Variants in DNASE1L3 observed in about 807,000 individuals in gnomAD.
DNASE1L3 encodes deoxyribonuclease 1L3.
In DNASE1L3, 27 loss-of-function variants were observed where a neutral mutation model predicts 30.9. The observed-to-expected ratio is 0.87, with a 90% CI of 0.64 to 1.20. DNASE1L3 has a LOEUF of 1.20. Among genes scored for constraint, DNASE1L3 ranks in the 50% most tolerant of loss-of-function variants. The pLI is 0.00. For synonymous variants in DNASE1L3, 135 were observed against 138.0 expected (o/e 0.98, Z 0.15); for missense variants, 364 against 378.2 (o/e 0.96, Z 0.31).
intron 2 of DNASE1L3, chr3:58,207,956 T>G (rs910643967): frequency 4.6e-5 from 18 of 395,498 alleles, no homozygotes; most frequent in Non-Finnish European, 8.1e-5. Flanking sequence ...ACTGTACTTT[T>G]TAGCTCAGCC....
rs1431676592 is a variant in DNASE1L3 at position 58,210,887 on chromosome 3, G to A, written c.20C>T (p.Pro7Leu). The A allele has an allele frequency of 6.2e-7, 1 of 1,613,988 alleles. No individual in the cohort carries two copies. The highest frequency in any genetic ancestry group is 2.2e-5 in the East Asian group (1 of 44,874). ...GATGGAGAGGAGGAGAAGCAGCAGT[G>A]GGGCCAGCTCCCGTGACATCCTGGC... MSRELAPLLLLLLSIHS... is the reference protein window; with the variant it reads MSRELALLLLLLLSIHS... The change falls in exon 1 of 8, where the codon CCA (proline) becomes CTA (leucine). Residue 7 changes from proline (P) to leucine (L), a missense_variant. Pro to Leu is a moderately conservative substitution (Grantham distance 98, BLOSUM62 -3). Transcript: ENST00000394549.
chr3:58,197,789 G>A lies in DNASE1L3; in HGVS notation c.704+32C>T, dbSNP rs750842839. 1.4e-5 allele frequency: 22 copies of A among 1,612,708 alleles called. No individual in the cohort carries two copies. Among genetic ancestry groups the A allele is most frequent in the Non-Finnish European group, 1.7e-5 (20 of 1,179,882 alleles). On this transcript the variant is annotated intron_variant, in intron 6 of 7. Coordinates refer to ENST00000394549, the MANE Select transcript of DNASE1L3 (RefSeq NM_004944.4). The surrounding 1 kb of genome is among the most constrained non-coding windows in gnomAD (Gnocchi z 5.3). ...TTCCTAGTGCACACCAAGCACTGTGGTGAGCCAGCAGCACCCTGCAGGGCC... is the reference window on the plus strand; with the variant it reads ...TTCCTAGTGCACACCAAGCACTGTGATGAGCCAGCAGCACCCTGCAGGGCC...
rs1344427428 is a variant in DNASE1L3 at position 58,210,767 on chromosome 3, T to G, written c.140A>C (p.Lys47Thr). The G allele has an allele frequency of 1.2e-6, 2 of 1,614,026 alleles. No individual in the cohort carries two copies. Among genetic ancestry groups the G allele is most frequent in the Admixed American group, 3.3e-5 (2 of 59,998 alleles). Reference protein sequence around the residue: ...EDKNAMDVIVKVIKRCDIILV... With the variant: ...EDKNAMDVIVTVIKRCDIILV... ...CCTCCTCCCAGGAAAGGGGCTCACC[T>G]TCACAATGACATCCATGGCATTCTT... Residue 47 changes from lysine (K) to threonine (T), a missense_variant and splice_region_variant, in exon 1 of 8, where the codon AAG becomes ACG. Lys to Thr is a moderately conservative substitution (Grantham distance 78). Transcript: ENST00000394549.
chr3:58,198,365 A>G (rs1209956284), intron 5 of DNASE1L3, among the ~76,000 whole-genome samples: 1 of 152,236 alleles, frequency 6.6e-6, no homozygotes, highest in Non-Finnish European at 1.5e-5. Flanking sequence ...GGCCCCCAAA[A>G]GACACCAGCC....
At chr3:58,201,524 G>A (rs1281832921) in intron 4 of DNASE1L3, among the ~76,000 whole-genome samples, 2 of 152,194 alleles carry the variant, frequency 1.3e-5, no homozygotes, top group East Asian at 1.9e-4. Context: ...TGTTAGACAT[G>A]CTCACAGGCA....
At position 58,193,341 on chromosome 3, in the gene DNASE1L3, A is replaced by C; in HGVS notation, c.801+2T>G. 6.2e-7 allele frequency: 1 copy of C among 1,613,956 alleles called. No homozygotes were observed. Among genetic ancestry groups the C allele is most frequent in the Non-Finnish European group, 8.5e-7 (1 of 1,179,920 alleles). On this transcript the variant is annotated splice_donor_variant, in intron 7 of 7. Transcript: ENST00000394549. LOFTEE classifies it high-confidence loss of function. ...CATAGAAAGACAAGATGGCAACCTT[A>C]CCTCCTCTTCAGTCAGCTTGTAAGC...
In DNASE1L3 at chr3:58,204,769, C is replaced by A. The variant is rs776563700; in HGVS notation, c.433G>T (p.Ala145Ser). Residue 145 changes from alanine (A) to serine (S), a missense_variant and splice_region_variant, in exon 4 of 8, where the codon GCT becomes TCT. Ala to Ser is a moderately conservative substitution (Grantham distance 99). Transcript: ENST00000394549. The stretch of plus-strand genomic sequence containing the variant: ...ACAGAAAGGCCTGTGTGGGTCTTAC[C>A]AGTGTGGGGAGATTGGAACCAGACC... The part of the protein sequence containing the change: ...FVVWFQSPHT[A>S]VKDFVIIPLH... 1.2e-6 allele frequency: 2 copies of A among 1,613,770 alleles called. No homozygotes were observed. Among genetic ancestry groups the A allele is most frequent in the African/African-American group, 2.7e-5 (2 of 74,898 alleles).
At chr3:58,193,072 CA>C in intron 7 of DNASE1L3, 2 of 1,410,456 alleles carry the variant, frequency 1.4e-6, no homozygotes, top group South Asian at 3.3e-5. Context: ...GGCATCAACC[CA>C]TCTTTTTTTT....
rs2097407364 is a variant in DNASE1L3 at position 58,210,891 on chromosome 3, C to T, written c.16G>A (p.Ala6Thr). Residue 6 changes from alanine (A) to threonine (T), a missense_variant, in exon 1 of 8, where the codon GCC becomes ACC. Physicochemically the swap from Ala to Thr is moderately conservative, Grantham distance 58 (BLOSUM62 0). Coordinates refer to ENST00000394549, the MANE Select transcript of DNASE1L3 (RefSeq NM_004944.4). MSRELAPLLLLLLSIH... is the reference protein window; with the variant it reads MSRELTPLLLLLLSIH... The stretch of plus-strand genomic sequence containing the variant: ...GAGAGGAGGAGAAGCAGCAGTGGGG[C>T]CAGCTCCCGTGACATCCTGGCGCTG... The T allele has an allele frequency of 6.2e-7, 1 of 1,613,938 alleles. No homozygotes were observed. The highest frequency in any genetic ancestry group is 1.3e-5 in the African/African-American group (1 of 75,028).
chr3:58,194,841 G>C (rs952330865), intron 6 of DNASE1L3, among the ~76,000 whole-genome samples: 1 of 151,060 alleles, frequency 6.6e-6, no homozygotes, highest in African/African-American at 2.4e-5. Context: ...TGTTAGCCAG[G>C]ATGGTCTCGA....
intron 2 of DNASE1L3, among the ~76,000 whole-genome samples, chr3:58,207,260 T>C (rs1284017101): frequency 6.6e-6 from 1 of 151,990 alleles, no homozygotes; most frequent in Non-Finnish European, 1.5e-5. Flanking sequence ...TAATCCCAGC[T>C]ACTTGGGAGG....
At chr3:58,202,020 T>G (rs2097400978) in intron 4 of DNASE1L3, among the ~76,000 whole-genome samples, 2 of 152,184 alleles carry the variant, frequency 1.3e-5, no homozygotes, top group Admixed American at 1.3e-4. Context: ...TTTCCCCTTT[T>G]TGTGTGTGTG....
rs753396774 is a variant in DNASE1L3, at chr3:58,192,862, A to G, written c.802-59T>C. 139 of 1,589,864 alleles carry G rather than the reference A, an allele frequency of 8.7e-5. No homozygotes were observed. Among genetic ancestry groups the G allele is most frequent in the Non-Finnish European group, 1.1e-4 (133 of 1,171,318 alleles). ...TAGGAGATGCCTGGGAGATGCTTTCATTTTAGCGATGAGCAAATTTAGGAC... is the reference window on the plus strand; with the variant it reads ...TAGGAGATGCCTGGGAGATGCTTTCGTTTTAGCGATGAGCAAATTTAGGAC... On this transcript the variant is annotated intron_variant, in intron 7 of 7. Transcript: ENST00000394549. The surrounding 1 kb of genome is among the most constrained non-coding windows in gnomAD (Gnocchi z 4.8).
chr3:58,209,955 T>A (rs1417254677), intron 1 of DNASE1L3, among the ~76,000 whole-genome samples: 2 of 152,132 alleles, frequency 1.3e-5, no homozygotes, highest in Non-Finnish European at 2.9e-5. Flanking sequence ...GGGAGTCAAT[T>A]GACTCCAGAG....
chr3:58,206,320 G>C (rs1156845177), intron 2 of DNASE1L3, among the ~76,000 whole-genome samples: 3 of 152,158 alleles, frequency 2.0e-5, no homozygotes, highest in Non-Finnish European at 4.4e-5. Flanking sequence ...CTCAGATTCA[G>C]TTGGAAAAAA....
Position 58,192,512 on chromosome 3 carries a change from C to A in DNASE1L3, c.*175G>T, listed in dbSNP as rs544694171. 26 of 638,652 alleles carry A rather than the reference C, an allele frequency of 4.1e-5. 1 individual carries two copies. The highest frequency in any genetic ancestry group is 3.9e-4 in the African/African-American group (21 of 53,982). The allele number at this position is 638,652 out of a possible 1,614,324, so 39.6% of individuals were successfully genotyped here. A position where few individuals can be genotyped will look rare whatever the true frequency, so the allele number is the denominator to read the frequency against. On this transcript the variant is annotated 3_prime_UTR_variant, in exon 8 of 8. Transcript: ENST00000394549. This position sits in a 1 kb window ranked among gnomAD's most constrained non-coding sequence, Gnocchi z 4.8. ...TAGACAATTCAGGGGAGGTATGAGACCAAGAGAGATACAAAAGATTCTCCT... is the reference window on the plus strand; with the variant it reads ...TAGACAATTCAGGGGAGGTATGAGAACAAGAGAGATACAAAAGATTCTCCT...
chr3:58,204,041 G>T (rs2097402340), intron 4 of DNASE1L3, among the ~76,000 whole-genome samples: 3 of 152,128 alleles, frequency 2.0e-5, no homozygotes, highest in African/African-American at 7.2e-5. Context: ...AATCCATTTG[G>T]ATTTCCTCAC....
chr3:58,203,205 A>C (rs1221640547), intron 4 of DNASE1L3, among the ~76,000 whole-genome samples: 1 of 152,176 alleles, frequency 6.6e-6, no homozygotes, highest in African/African-American at 2.4e-5. Context: ...AGCAGGCTGC[A>C]TCCAGGGCCC....
rs149330798 is a variant in DNASE1L3 at position 58,208,231 on chromosome 3, C to T, written c.217G>A (p.Glu73Lys). The T allele has an allele frequency of 5.2e-5, 84 of 1,614,050 alleles. No homozygotes were observed. The highest frequency in any genetic ancestry group is 5.2e-4 in the African/African-American group (39 of 75,046). The change falls in exon 2 of 8, where the codon GAG becomes AAG. Residue 73 changes from glutamate (E) to lysine (K), a missense_variant. By Grantham distance (56) the Glu-to-Lys change is moderately conservative. Coordinates refer to ENST00000394549, the MANE Select transcript of DNASE1L3 (RefSeq NM_004944.4). The stretch of plus-strand genomic sequence containing the variant: ...TCCCCATGTTACCTGTTCAGCTTCT[C>T]CATCAGTATGGGGCAGATCCTGTTG... ...SNNRICPILM[E>K]KLNRNSRRGI...
Sources: gnomAD v4.1 joint callset for allele counts (sites outside exome capture counted in the v4.1 genomes callset) on GRCh38, gnomAD v4.1.1 for gene constraint, Gnocchi (gnomAD v3.1) non-coding constraint, MANE v1.5 for transcripts, NCBI Gene and HGNC (gene_info 2026-07-23, HGNC 2026-07-21) for gene names.